Variants in LTBP4 observed in about 807,000 individuals in gnomAD.
The protein encoded by LTBP4 is latent-transforming growth factor beta-binding protein 4.
In LTBP4, 93 loss-of-function variants were observed where a neutral mutation model predicts 180.2. The observed-to-expected ratio is 0.52, with a 90% CI of 0.44 to 0.61. LTBP4 has a LOEUF of 0.61. Among genes scored for constraint, LTBP4 ranks in the 20% least tolerant of loss-of-function variants. LTBP4 has a pLI of 0.00. For missense variants in LTBP4, 2,116 were observed against 2,256.5 expected, an observed-to-expected ratio of 0.94 and a Z score of 1.26; for synonymous variants, 947 against 934.5, an observed-to-expected ratio of 1.01 and a Z score of -0.24.
rs768723931 is a variant in LTBP4 at position 40,627,082 on chromosome 19, T to C, written c.4093T>C (p.Tyr1365His). Residue 1365 changes from tyrosine (Y) to histidine (H), a missense_variant, in exon 28 of 30, where the codon TAC becomes CAC. Around this residue, in one of 5 missense-constraint regions of LTBP4, gnomAD observed 488 missense variants for 458.8 expected, o/e 1.06. Coordinates refer to ENST00000396819, the MANE Select transcript of LTBP4 (RefSeq NM_001042545.2). ...GTACGGCCCAGACTTAGGTCCACCT[T>C]ACCAGGGCCTCCCATATGGGCCTGA... ...YEYGPDLGPP[Y>H]QGLPYGPELY... is the part of the protein sequence containing the mutation. 2.5e-6 allele frequency: 4 copies of C among 1,613,884 alleles called. No homozygotes were observed. Among genetic ancestry groups the C allele is most frequent in the South Asian group, 2.2e-5 (2 of 91,066 alleles).
intron 6 of LTBP4, 111 bp from the exon 7 acceptor site, chr19:40,607,254 C>A: frequency 3.0e-5 from 22 of 740,178 alleles, no homozygotes; most frequent in South Asian, 9.9e-5. Context: ...GCCCCTCGCA[C>A]CCACCAACCC....
chr19:40,604,413 C>T (rs979447526), intron 1 of LTBP4, among the ~76,000 whole-genome samples: 1 of 151,994 alleles, frequency 6.6e-6, no homozygotes, highest in African/African-American at 2.4e-5. Flanking sequence ...TGGAAGGGAT[C>T]AGCATTGGGT....
Position 40,595,891 on chromosome 19 carries a change from C to T in LTBP4, c.16+2710C>T, listed in dbSNP as rs529195371. Among the ~76,000 whole-genome samples the T allele has an allele frequency of 1.8e-4, 27 of 147,526 alleles. 1 individual carries two copies. The highest frequency in any genetic ancestry group is 3.1e-4 in the Non-Finnish European group (21 of 67,362). ...GACTACTGGCTCATGCCACCATACC[C>T]GGCTAATTTTTGGATTTTTTTTTTT... On this transcript the variant is annotated intron_variant, in intron 1 of 32. Coordinates refer to the LTBP4 transcript ENST00000204005.
chr19:40,613,054 A>G lies in LTBP4; in HGVS notation c.2300-11A>G, dbSNP rs775457083. 1 of 1,608,336 alleles carries G rather than the reference A, an allele frequency of 6.2e-7. No homozygotes were observed. The highest frequency in any genetic ancestry group is 1.7e-5 in the Admixed American group (1 of 59,444). ...GACTGGACCCTTTCTGAACACCCCCACCCCCCACAGATGTGGACGAATGCA... is the reference window on the plus strand; with the variant it reads ...GACTGGACCCTTTCTGAACACCCCCGCCCCCCACAGATGTGGACGAATGCA... On this transcript the variant is annotated splice_polypyrimidine_tract_variant and intron_variant, in intron 15 of 29. Transcript: ENST00000396819. The surrounding 1 kb of genome is among the most constrained non-coding windows in gnomAD (Gnocchi z 5.0).
chr19:40,604,073 C>A lies in LTBP4; in HGVS notation c.251-962C>A, dbSNP rs960808881. Among the ~76,000 whole-genome samples the A allele has an allele frequency of 4.6e-5, 7 of 152,174 alleles. No homozygotes were observed. In the East Asian group the frequency reaches 7.7e-4, roughly 17 times the overall value. The stretch of plus-strand genomic sequence containing the variant: ...AAGCCCCAGCCAGAAAGAAGTTGGG[C>A]GGAGACACAGCGCGGTGGGCGGAAC... On this transcript the variant is annotated intron_variant, in intron 1 of 29. Coordinates refer to ENST00000396819, the MANE Select transcript of LTBP4 (RefSeq NM_001042545.2).
At position 40,627,866 on chromosome 19, in the gene LTBP4, G is replaced by A. The variant is rs371407497; in HGVS notation, c.4519+9G>A. On this transcript the variant is annotated intron_variant, in intron 29 of 29. Coordinates refer to ENST00000396819, the MANE Select transcript of LTBP4 (RefSeq NM_001042545.2). Reference sequence around the variant, plus strand: ...CCGCATGGCCTGCGTTGGTGAGGGCGGGCCCGGGGCCAGCATGCGCAGGGA... The same window carrying A: ...CCGCATGGCCTGCGTTGGTGAGGGCAGGCCCGGGGCCAGCATGCGCAGGGA... 89 of 1,554,944 alleles carry A rather than the reference G, an allele frequency of 5.7e-5. No individual in the cohort carries two copies. Among genetic ancestry groups the A allele is most frequent in the Admixed American group, 3.0e-4 (16 of 53,164 alleles).
chr19:40,624,239 A>ACTGTCTGT, intron 26 of LTBP4, among the ~76,000 whole-genome samples, 157 bp downstream of exon 26: 1 of 151,746 alleles, frequency 6.6e-6, no homozygotes, highest in African/African-American at 2.4e-5. Context: ...TCTCTGTCCC[A>ACTGTCTGT]CTGTCTGTCT....
intron 12 of LTBP4, 80 bp downstream of exon 12, chr19:40,610,737 C>A: frequency 1.3e-6 from 2 of 1,490,880 alleles, no homozygotes; most frequent in Non-Finnish European, 1.8e-6. Flanking sequence ...AGAGACTGAA[C>A]AATAGGGCAA....
chr19:40,598,655 T>G, upstream of LTBP4: 1 of 161,874 alleles, frequency 6.2e-6, no homozygotes, highest in Non-Finnish European at 1.4e-5. Context: ...GCTCTGGGAT[T>G]CTCAGTCCTG....
At position 40,612,069 on chromosome 19, in the gene LTBP4, C is replaced by G. The variant is rs771001930; in HGVS notation, c.2180-4C>G. 1 of 1,613,222 alleles carries G rather than the reference C, an allele frequency of 6.2e-7. No homozygotes were observed. Among genetic ancestry groups the G allele is most frequent in the Non-Finnish European group, 8.5e-7 (1 of 1,179,630 alleles). On this transcript the variant is annotated splice_polypyrimidine_tract_variant and splice_region_variant and intron_variant, in intron 14 of 29. Transcript: ENST00000396819. ...TCAAGGCCACCCTCTCCCCTGCCCC[C>G]CAGATGTGGATGAGTGTGAGAACCA... is the stretch of plus-strand genomic sequence containing the variant.
chr19:40,609,916 CG>C lies in LTBP4; in HGVS notation c.1684+46del. Reference sequence around the variant, plus strand: ...CGGCTCCAGGCCCACCCCAGGGTCTCGCTCCTGCTCTCACTCCAGAGCCTCT... The same window carrying C: ...CGGCTCCAGGCCCACCCCAGGGTCTCCTCCTGCTCTCACTCCAGAGCCTCT... On this transcript the variant is annotated intron_variant, in intron 11 of 29. Coordinates refer to ENST00000396819, the MANE Select transcript of LTBP4 (RefSeq NM_001042545.2). The surrounding 1 kb of genome is among the most constrained non-coding windows in gnomAD (Gnocchi z 4.9). The C allele has an allele frequency of 6.8e-7, 1 of 1,480,940 alleles. No homozygotes were observed. The highest frequency in any genetic ancestry group is 9.0e-7 in the Non-Finnish European group (1 of 1,114,522). 91.7% of individuals were successfully genotyped at this position (1,480,940 alleles called of 1,614,324 possible).
Position 40,619,466 on chromosome 19 carries a change from C to A in LTBP4, c.3190C>A (p.Arg1064Ser). ...GGAAGAGTTTGACCCCATGACTGGA[C>A]GCTGTGTTCCCCCACGAACTTCTGC... ...SPEEFDPMTG[R>S]CVPPRTSAGT... Residue 1064 changes from arginine (R) to serine (S), a missense_variant, in exon 22 of 30, where the codon CGC becomes AGC. By Grantham distance (110) the Arg-to-Ser change is moderately radical (BLOSUM62 -1). Coordinates refer to ENST00000396819, the MANE Select transcript of LTBP4 (RefSeq NM_001042545.2). The A allele has an allele frequency of 6.2e-7, 1 of 1,612,518 alleles. No individual in the cohort carries two copies. Among genetic ancestry groups the A allele is most frequent in the Non-Finnish European group, 8.5e-7 (1 of 1,179,138 alleles).
At chr19:40,599,665 C>T, upstream of LTBP4, 1 of 1,088,834 alleles carries the variant, frequency 9.2e-7, no homozygotes, top group Non-Finnish European at 1.3e-6. Flanking sequence ...CCCCTCCCTC[C>T]CCGGCTCTTT....
intron 1 of LTBP4, among the ~76,000 whole-genome samples, chr19:40,594,806 C>A (rs1319142282): frequency 6.6e-6 from 1 of 152,042 alleles, no homozygotes; most frequent in East Asian, 1.9e-4. Context: ...GCATGGATTG[C>A]TGTAGGTGGC....
intron 1 of LTBP4, among the ~76,000 whole-genome samples, chr19:40,595,936 T>G (rs2081387743): frequency 1.1e-5 from 1 of 92,838 alleles, no homozygotes; most frequent in Non-Finnish European, 2.0e-5. Flanking sequence ...TTTTTTTTTT[T>G]TTGAGACAGA....
chr19:40,605,320 G>A lies in LTBP4; in HGVS notation c.443-85G>A. On this transcript the variant is annotated intron_variant, in intron 2 of 29. Transcript: ENST00000396819. The surrounding 1 kb of genome is among the most constrained non-coding windows in gnomAD (Gnocchi z 5.5). ...ATTTCCCGCCTTCCCGAGCACCTTT[G>A]CCCAGCTCGCCCTCCCCGCCTTGTC... 6.3e-7 allele frequency: 1 copy of A among 1,578,586 alleles called. No individual in the cohort carries two copies. Among genetic ancestry groups the A allele is most frequent in the Non-Finnish European group, 8.6e-7 (1 of 1,160,744 alleles).
chr19:40,624,171 T>C (rs1008984424), intron 26 of LTBP4, 89 bp downstream of exon 26: 5 of 1,403,384 alleles, frequency 3.6e-6, no homozygotes, highest in Middle Eastern at 2.6e-4. Context: ...GGCCACGCCC[T>C]CCGAAGGCCA....
intron 18 of LTBP4, 123 bp from the exon 19 acceptor site, chr19:40,614,192 A>C (rs1384212740): frequency 8.0e-6 from 11 of 1,377,548 alleles, no homozygotes; most frequent in African/African-American, 1.7e-5. Flanking sequence ...CCTCTACCCC[A>C]ATCTTCTCCT....
rs762286016 is a variant in LTBP4, at chr19:40,605,086, G to A, written c.302G>A (p.Arg101His). ...GGCGGTGTGTGCGTGAAGCCTGACC[G>A]CTGCCTCTGTCCCCCGGACTTCGCT... ...HNGGVCVKPDRCLCPPDFAGK... is the reference protein window; with the variant it reads ...HNGGVCVKPDHCLCPPDFAGK... The change falls in exon 2 of 30, where the codon CGC becomes CAC. Residue 101 changes from arginine (R) to histidine (H), a missense_variant. This residue lies in a region of LTBP4 where 469 missense variants were observed against 532.5 expected (regional missense o/e 0.88). Coordinates refer to ENST00000396819, the MANE Select transcript of LTBP4 (RefSeq NM_001042545.2). This position sits in a 1 kb window ranked among gnomAD's most constrained non-coding sequence, Gnocchi z 5.5. 8.7e-6 allele frequency: 14 copies of A among 1,613,702 alleles called. No homozygotes were observed. In the East Asian group the frequency reaches 2.5e-4, roughly 28 times the overall value.
Sources: allele counts gnomAD v4.1 joint callset (sites outside exome capture counted in the v4.1 genomes callset), GRCh38; gene constraint gnomAD v4.1.1; regional missense constraint gnomAD v4.1.1; non-coding constraint Gnocchi (gnomAD v3.1); transcripts MANE v1.5; gene names NCBI Gene and HGNC (gene_info 2026-07-23, HGNC 2026-07-21).